TRPC7: variants seen among roughly 807,000 people sequenced by gnomAD.
TRPC7 encodes the protein short transient receptor potential channel 7.
In TRPC7, 42 loss-of-function variants were observed where a neutral mutation model predicts 90.1. The ratio of observed to expected loss-of-function variants is 0.47; its 90% CI spans 0.36 to 0.60. The LOEUF (loss-of-function observed/expected upper bound fraction) is 0.60. Among genes scored for constraint, TRPC7 ranks in the 20% least tolerant of loss-of-function variants. TRPC7 has a pLI of 0.00. For missense variants in TRPC7, 955 were observed against 1,112.3 expected, an observed-to-expected ratio of 0.86 and a Z score of 2.01; for synonymous variants, 451 against 436.3, an observed-to-expected ratio of 1.03 and a Z score of -0.42.
At chr5:136,306,854 A>G (rs929799100) in intron 3 of TRPC7, among the ~76,000 whole-genome samples, 32 of 152,202 alleles carry the variant, frequency 2.1e-4, no homozygotes, top group African/African-American at 6.7e-4. Context: ...CCCGCAAAAC[A>G]TTGTTCTTAA....
chr5:136,255,434 G>C (rs902815197), intron 5 of TRPC7, among the ~76,000 whole-genome samples: 2 of 152,186 alleles, frequency 1.3e-5, no homozygotes, highest in African/African-American at 4.8e-5. Context: ...CTTGTTGAAG[G>C]CTCAGATGAT....
intron 5 of TRPC7, among the ~76,000 whole-genome samples, chr5:136,260,491 A>T (rs1049256790): frequency 5.9e-5 from 9 of 152,170 alleles, no homozygotes; most frequent in Non-Finnish European, 1.2e-4. Flanking sequence ...CTCCAGGCAG[A>T]GGGGACAGCC....
chr5:136,362,679 G>A (rs956858757), intron 1 of TRPC7, among the ~76,000 whole-genome samples: 3 of 152,144 alleles, frequency 2.0e-5, no homozygotes, highest in African/African-American at 7.2e-5. Context: ...TAAGGATCTA[G>A]TCTGTCTGCT....
At chr5:136,339,159 A>G (rs542497353) in intron 2 of TRPC7, among the ~76,000 whole-genome samples, 8 of 152,232 alleles carry the variant, frequency 5.3e-5, no homozygotes, top group South Asian at 2.1e-4. Context: ...ATTATGTTCC[A>G]TCTTGCTACT....
chr5:136,285,026 G>A (rs1203521558), intron 3 of TRPC7, among the ~76,000 whole-genome samples: 1 of 152,192 alleles, frequency 6.6e-6, no homozygotes, highest in East Asian at 1.9e-4. Flanking sequence ...GCATGGTAAA[G>A]GGCACAGATT....
chr5:136,298,289 C>T (rs111300151), intron 3 of TRPC7, among the ~76,000 whole-genome samples: 147 of 152,160 alleles, frequency 9.7e-4, no homozygotes, highest in Non-Finnish European at 1.6e-3. Flanking sequence ...CTTCCCTGGG[C>T]GGGAACTAGC....
intron 2 of TRPC7, among the ~76,000 whole-genome samples, chr5:136,351,139 T>A (rs188398574): frequency 2.0e-5 from 3 of 152,172 alleles, no homozygotes; most frequent in Admixed American, 6.5e-5. Context: ...GTATTGTGAT[T>A]TTTTTTTCCA....
In TRPC7 at chr5:136,305,223, C is replaced by G. The variant is rs1447244737; in HGVS notation, c.963+10374G>C. Among the ~76,000 whole-genome samples, 106 of 152,274 alleles carry G rather than the reference C, an allele frequency of 7.0e-4. 1 individual carries two copies. The highest frequency in any genetic ancestry group is 5.8e-4 in the East Asian group (3 of 5,174). ...CCCATGACTGTATCTCTCTGATCCA[C>G]CTGATATTCACCCCATTTCCCCATA... On this transcript the variant is annotated intron_variant, in intron 3 of 11. Transcript: ENST00000513104.
intron 2 of TRPC7, among the ~76,000 whole-genome samples, chr5:136,346,449 C>T (rs1760009383): frequency 6.6e-6 from 1 of 152,080 alleles, no homozygotes; most frequent in South Asian, 2.1e-4. Flanking sequence ...GCTGCCCTCC[C>T]TCCTTTTATC....
At chr5:136,224,438 A>G (rs973416531) in intron 10 of TRPC7, among the ~76,000 whole-genome samples, 2 of 152,138 alleles carry the variant, frequency 1.3e-5, no homozygotes, top group Non-Finnish European at 2.9e-5. Context: ...GAAGACACCT[A>G]TATCTACTTG....
At chr5:136,302,988 G>T (rs1232064902) in intron 3 of TRPC7, among the ~76,000 whole-genome samples, 1 of 151,852 alleles carries the variant, frequency 6.6e-6, no homozygotes, top group African/African-American at 2.4e-5. Flanking sequence ...GCCGAGCTAG[G>T]TCCTAATTCT....
chr5:136,221,775 G>A (rs1025307057), intron 10 of TRPC7, among the ~76,000 whole-genome samples: 1 of 152,206 alleles, frequency 6.6e-6, no homozygotes. Flanking sequence ...CTTCGGTAAA[G>A]GCTATTTAGA....
intron 10 of TRPC7, among the ~76,000 whole-genome samples, chr5:136,220,157 T>C (rs1224748272): frequency 1.3e-5 from 2 of 152,216 alleles, no homozygotes; most frequent in Admixed American, 6.5e-5. Context: ...AAATTTATTG[T>C]AAAACGTGTG....
At chr5:136,272,362 T>G (rs1051480926) in intron 4 of TRPC7, among the ~76,000 whole-genome samples, 5 of 152,244 alleles carry the variant, frequency 3.3e-5, no homozygotes, top group African/African-American at 1.2e-4. Context: ...ATGGCAGATG[T>G]GACCTCTCTG....
chr5:136,278,250 ACTC>A (rs1161819139), intron 3 of TRPC7, among the ~76,000 whole-genome samples: 1 of 151,976 alleles, frequency 6.6e-6, no homozygotes, highest in African/African-American at 2.4e-5. Flanking sequence ...TGGAGAGGAA[ACTC>A]CTCCTGGAGG....
At position 136,247,842 on chromosome 5, in the gene TRPC7, G is replaced by A; in HGVS notation, c.1580-107C>T. ...TCCAACTGCATCATTTGCCATTCTT[G>A]TCCTTGTCCTTAAATTAATCCCAAT... On this transcript the variant is annotated intron_variant, in intron 6 of 11. Coordinates refer to ENST00000513104, the MANE Select transcript of TRPC7 (RefSeq NM_020389.3). The surrounding 1 kb of genome is among the most constrained non-coding windows in gnomAD (Gnocchi z 4.2). 7.3e-7 allele frequency: 1 copy of A among 1,372,280 alleles called. No individual in the cohort carries two copies. The highest frequency in any genetic ancestry group is 2.3e-5 in the East Asian group (1 of 43,096). 85.0% of individuals were successfully genotyped at this position (1,372,280 alleles called of 1,614,324 possible).
At chr5:136,316,414 A>C (rs1243596584) in intron 2 of TRPC7, among the ~76,000 whole-genome samples, 1 of 152,208 alleles carries the variant, frequency 6.6e-6, no homozygotes, top group Non-Finnish European at 1.5e-5. Context: ...TAAATTATAC[A>C]TTTAAAAATC....
At chr5:136,251,435 G>A (rs1031326366) in intron 6 of TRPC7, among the ~76,000 whole-genome samples, 1 of 152,144 alleles carries the variant, frequency 6.6e-6, no homozygotes, top group Non-Finnish European at 1.5e-5. Context: ...CTAATTCCAC[G>A]TTCTATTCTG....
intron 7 of TRPC7, among the ~76,000 whole-genome samples, chr5:136,237,254 T>C (rs1168577961): frequency 3.3e-5 from 5 of 152,172 alleles, no homozygotes; most frequent in Admixed American, 6.5e-5. Context: ...AGTCTAGAAG[T>C]AGAAGAGTCT....
Sources: allele counts gnomAD v4.1 joint callset (sites outside exome capture counted in the v4.1 genomes callset), GRCh38; gene constraint gnomAD v4.1.1; non-coding constraint Gnocchi (gnomAD v3.1); transcripts MANE v1.5; gene names NCBI Gene and HGNC (gene_info 2026-07-23, HGNC 2026-07-21).